The following MYO5C variants were observed in gnomAD, a reference collection of about 807,000 sequenced individuals.
MYO5C encodes the protein myosin VC.
A neutral mutation model predicts 235.7 loss-of-function variants in MYO5C; 194 were observed. That is an observed-to-expected ratio of 0.82 (90% CI 0.73 to 0.93). The LOEUF (loss-of-function observed/expected upper bound fraction) is 0.93, where lower values mean the gene tolerates loss of function less well. Ranked by LOEUF, MYO5C falls within the 40% of genes least tolerant of loss-of-function variation. The pLI is 0.00. For synonymous variants in MYO5C, 707 were observed against 754.8 expected, an observed-to-expected ratio of 0.94 and a Z score of 1.04; for missense variants, 2,038 against 2,127.2, an observed-to-expected ratio of 0.96 and a Z score of 0.82.
chr15:52,219,631 G>A (rs2141283989), intron 31 of MYO5C, 128 bp downstream of exon 31: 1 of 678,468 alleles, frequency 1.5e-6, no homozygotes, highest in Non-Finnish European at 2.6e-6. Context: ...CCATCAGAAT[G>A]GCAATATGTC....
At position 52,278,971 on chromosome 15, in the gene MYO5C, G is replaced by A. The variant is rs773876688; in HGVS notation, c.351C>T (p.Tyr117=). Reference sequence around the variant, plus strand: ...TGTAGGCGTGGATGATGGCATCTCCGTATATTGGCAACTGCTTGTAAGGAT... The same window carrying A: ...TGTAGGCGTGGATGATGGCATCTCCATATATTGGCAACTGCTTGTAAGGAT... The part of the protein sequence containing the change: ...AMNPYKQLPI[Y]GDAIIHAYSG... The change falls in exon 4 of 41, where the codon TAC becomes TAT. Residue 117 remains tyrosine, a synonymous_variant. Coordinates refer to ENST00000261839, the MANE Select transcript of MYO5C (RefSeq NM_018728.4). 1.7e-5 allele frequency: 28 copies of A among 1,613,852 alleles called. No individual in the cohort carries two copies. The East Asian group carries it at 3.6e-4, about 21-fold the overall frequency.
intron 2 of MYO5C, among the ~76,000 whole-genome samples, chr15:52,281,863 C>T (rs2037168409): frequency 6.6e-6 from 1 of 152,172 alleles, no homozygotes; most frequent in Admixed American, 6.5e-5. Context: ...CATGCTTTGT[C>T]AATTAATCCT....
At chr15:52,204,783 G>A (rs900436830) in intron 38 of MYO5C, 82 bp downstream of exon 38, 1 of 1,489,704 alleles carries the variant, frequency 6.7e-7, no homozygotes, top group African/African-American at 1.4e-5. Context: ...ACAGCAGGGA[G>A]GGTCAGGCGC....
chr15:52,250,011 T>C (rs1046171215), intron 13 of MYO5C, among the ~76,000 whole-genome samples: 2 of 152,188 alleles, frequency 1.3e-5, no homozygotes, highest in African/African-American at 2.4e-5. Flanking sequence ...GAGAATTACA[T>C]GTCCAGAAAC....
intron 4 of MYO5C, chr15:52,277,092 A>C (rs1386709782): frequency 2.1e-6 from 1 of 480,238 alleles, no homozygotes; most frequent in Non-Finnish European, 4.3e-6. Context: ...TCAAAGAGAG[A>C]AGATGAAGAC....
At chr15:52,287,788 C>G (rs1381610635) in intron 1 of MYO5C, among the ~76,000 whole-genome samples, 2 of 152,032 alleles carry the variant, frequency 1.3e-5, no homozygotes, top group Non-Finnish European at 2.9e-5. Flanking sequence ...AATAGCCTGA[C>G]CAACATGGAG....
intron 16 of MYO5C, among the ~76,000 whole-genome samples, chr15:52,246,383 A>C (rs926014405): frequency 2.0e-5 from 3 of 152,160 alleles, no homozygotes. Flanking sequence ...TTTCCTCTAC[A>C]GAACACCCAA....
intron 38 of MYO5C, among the ~76,000 whole-genome samples, chr15:52,199,628 A>C (rs2035138739): frequency 6.6e-6 from 1 of 152,176 alleles, no homozygotes; most frequent in Non-Finnish European, 1.5e-5. Context: ...TTCTAGCTCA[A>C]GGAGCTGAAA....
intron 35 of MYO5C, among the ~76,000 whole-genome samples, chr15:52,209,138 T>C (rs2035387792): frequency 6.6e-6 from 1 of 151,890 alleles, no homozygotes; most frequent in East Asian, 1.9e-4. Flanking sequence ...GGAGAAGGCC[T>C]CCACTTACAG....
chr15:52,270,981 CT>C (rs1341075268), intron 7 of MYO5C, among the ~76,000 whole-genome samples: 1 of 152,094 alleles, frequency 6.6e-6, no homozygotes. Flanking sequence ...GGCTCGGGGC[CT>C]TTTGTACTGA....
At chr15:52,235,267 TG>T (rs2036053080) in intron 23 of MYO5C, among the ~76,000 whole-genome samples, 1 of 152,214 alleles carries the variant, frequency 6.6e-6, no homozygotes, top group South Asian at 2.1e-4. Flanking sequence ...TTACTCTGAC[TG>T]TACATCAGGA....
At chr15:52,227,008 C>G (rs1352842093) in intron 25 of MYO5C, among the ~76,000 whole-genome samples, 1 of 151,584 alleles carries the variant, frequency 6.6e-6, no homozygotes, top group Non-Finnish European at 1.5e-5. Flanking sequence ...AAAAATTAGC[C>G]AGGTGTGGTG....
intron 5 of MYO5C, among the ~76,000 whole-genome samples, chr15:52,274,528 C>T (rs1162190505): frequency 6.6e-6 from 1 of 152,200 alleles, no homozygotes; most frequent in Non-Finnish European, 1.5e-5. Flanking sequence ...ATCCACCCAC[C>T]TCAGCCTCCC....
At chr15:52,279,075 T>TC in intron 3 of MYO5C, 58 bp from the exon 4 acceptor site, 1 of 1,508,678 alleles carries the variant, frequency 6.6e-7, no homozygotes, top group African/African-American at 1.4e-5. Flanking sequence ...CATCTCCAGT[T>TC]TTTTTTTTTT....
chr15:52,261,753 A>G (rs2036701714), intron 9 of MYO5C, among the ~76,000 whole-genome samples: 4 of 152,214 alleles, frequency 2.6e-5, no homozygotes, highest in Admixed American at 2.6e-4. Flanking sequence ...AGCAGATGAA[A>G]AAAGGGAAGA....
At position 52,264,255 on chromosome 15, in the gene MYO5C, C is replaced by A. The variant is rs756841499; in HGVS notation, c.982G>T (p.Ala328Ser). 6.2e-7 allele frequency: 1 copy of A among 1,614,144 alleles called. No homozygotes were observed. The highest frequency in any genetic ancestry group is 8.5e-7 in the Non-Finnish European group (1 of 1,179,998). The change falls in exon 9 of 41, where the codon GCA becomes TCA. Residue 328 changes from alanine (A) to serine (S), a missense_variant. Coordinates refer to ENST00000261839, the MANE Select transcript of MYO5C (RefSeq NM_018728.4). ...DFQMDVFKILAAILHLGNVQI... is the reference protein window; with the variant it reads ...DFQMDVFKILSAILHLGNVQI... The stretch of plus-strand genomic sequence containing the variant: ...ACATTGCCCAGATGTAGGATGGCTG[C>A]CAGGATTTTAAAAACGTCCATCTGA...
chr15:52,289,289 C>G (rs1566996959), intron 1 of MYO5C, among the ~76,000 whole-genome samples: 1 of 152,106 alleles, frequency 6.6e-6, no homozygotes, highest in Non-Finnish European at 1.5e-5. Flanking sequence ...CTGCAACTGC[C>G]TGGCACCTGT....
chr15:52,244,312 A>G, intron 19 of MYO5C, 44 bp downstream of exon 19: 1 of 1,585,056 alleles, frequency 6.3e-7, no homozygotes, highest in Non-Finnish European at 8.6e-7. Flanking sequence ...TGATCAGCAC[A>G]GAAAGCCCCA....
chr15:52,277,064 C>T (rs16964849), intron 4 of MYO5C: 133 of 468,706 alleles, frequency 2.8e-4, no homozygotes, highest in African/African-American at 2.3e-3. Flanking sequence ...TACAGAGCCC[C>T]GGTCCAATAT....
Sources: gnomAD v4.1 joint callset for allele counts (sites outside exome capture counted in the v4.1 genomes callset) on GRCh38, gnomAD v4.1.1 for gene constraint, MANE v1.5 for transcripts, NCBI Gene and HGNC (gene_info 2026-07-23, HGNC 2026-07-21) for gene names.